YJU2B: variants seen among roughly 807,000 people sequenced by gnomAD.
YJU2B encodes the protein YJU2 splicing factor homolog B.
A neutral mutation model predicts 38.0 loss-of-function variants in YJU2B; 18 were observed. The observed-to-expected ratio is 0.47, with a 90% CI of 0.33 to 0.70. The LOEUF is 0.70. Ranked by LOEUF, YJU2B falls within the 30% of genes least tolerant of loss-of-function variation. The pLI is 0.02. For missense variants in YJU2B, 538 were observed against 556.3 expected (o/e 0.97, Z 0.33); for synonymous variants, 246 against 225.4 (o/e 1.09, Z -0.82).
In YJU2B at chr19:13,762,305, A is replaced by G; in HGVS notation, c.580A>G (p.Lys194Glu). ...TTCTTGGCCCTCAACACAGGAAAAG[A>G]AAAAAGCCATCCAGGAGGAGGAGGA... is the stretch of plus-strand genomic sequence containing the variant. ...SMLRRRFREK[K>E]KAIQEEEERD... is the part of the protein sequence containing the mutation. Residue 194 changes from lysine to glutamate, a missense_variant, in exon 9 of 10, where the codon AAA (lysine) becomes GAA (glutamate). Transcript: ENST00000221554. 2 of 1,613,460 alleles carry G rather than the reference A, an allele frequency of 1.2e-6. No homozygotes were observed. The highest frequency in any genetic ancestry group is 8.5e-7 in the Non-Finnish European group (1 of 1,179,920).
chr19:13,750,696 C>T (rs1053086448), intron 1 of YJU2B, among the ~76,000 whole-genome samples: 57 of 151,548 alleles, frequency 3.8e-4, no homozygotes, highest in Non-Finnish European at 4.9e-4. Flanking sequence ...CCTGTCTCTA[C>T]TAAAAATACA....
At position 13,762,334 on chromosome 19, in the gene YJU2B, A is replaced by G; in HGVS notation, c.609A>G (p.Arg203=). 1 of 1,613,914 alleles carries G rather than the reference A, an allele frequency of 6.2e-7. No homozygotes were observed. Among genetic ancestry groups the G allele is most frequent in the Non-Finnish European group, 8.5e-7 (1 of 1,180,020 alleles). ...AAGCCATCCAGGAGGAGGAGGAGAG[A>G]GACCAGGCCTTGCAGGCCAAGGCGA... is the stretch of plus-strand genomic sequence containing the variant. ...KKKAIQEEEE[R]DQALQAKASL... The change falls in exon 9 of 10, where the codon AGA becomes AGG. Residue 203 remains arginine (R), a synonymous_variant. Transcript: ENST00000221554.
At chr19:13,738,855 T>G (rs1273380888) in intron 2 of YJU2B, among the ~76,000 whole-genome samples, 2 of 139,544 alleles carry the variant, frequency 1.4e-5, no homozygotes, top group Non-Finnish European at 1.5e-5. Flanking sequence ...GAGCCACTAC[T>G]GCACTCCAGC....
upstream of YJU2B, among the ~76,000 whole-genome samples, chr19:13,746,666 G>A (rs1451601820): frequency 6.6e-6 from 1 of 152,204 alleles, no homozygotes; most frequent in Non-Finnish European, 1.5e-5. Flanking sequence ...AGGCACTTTG[G>A]AAGGCCAAGG....
intron 1 of YJU2B, among the ~76,000 whole-genome samples, chr19:13,748,411 C>T (rs1280761737): frequency 6.6e-6 from 1 of 152,040 alleles, no homozygotes; most frequent in Non-Finnish European, 1.5e-5. Context: ...TGCCCCAAGT[C>T]AAGCAGATAG....
intron 1 of YJU2B, 51 bp downstream of exon 1, chr19:13,748,005 C>T (rs574617362): frequency 2.0e-5 from 3 of 152,374 alleles, no homozygotes; most frequent in Admixed American, 2.0e-4. Context: ...CCGGCAGCCG[C>T]CTCACCCTGG....
chr19:13,759,288 G>C lies in YJU2B; in HGVS notation c.573+16G>C, dbSNP rs762200402. The C allele has an allele frequency of 1.2e-5, 19 of 1,589,780 alleles. No individual in the cohort carries two copies. In the Admixed American group the frequency reaches 2.7e-4, roughly 22 times the overall value. On this transcript the variant is annotated intron_variant, in intron 8 of 9. Coordinates refer to ENST00000221554, the MANE Select transcript of YJU2B (RefSeq NM_030818.4). ...AAGGTTCCGGGTGAGGGGGGCTCCA[G>C]CCCGGGGTCAGAGAGGATGCATGGT...
Position 13,759,127 on chromosome 19 carries a change from C to T in YJU2B, c.428C>T (p.Thr143Met), listed in dbSNP as rs781777245. 1.2e-5 allele frequency: 20 copies of T among 1,613,652 alleles called. No homozygotes were observed. The highest frequency in any genetic ancestry group is 1.7e-5 in the Admixed American group (1 of 59,964). ...CATGAGAAGAAGCAGAAGCTGGAGACGGACGCCATGTTCCGGCTGGAGCAT... is the reference window on the plus strand; with the variant it reads ...CATGAGAAGAAGCAGAAGCTGGAGATGGACGCCATGTTCCGGCTGGAGCAT... ...TEHEKKQKLE[T>M]DAMFRLEHGE... Residue 143 changes from threonine (T) to methionine (M), a missense_variant, in exon 8 of 10, where the codon ACG (threonine) becomes ATG (methionine). Transcript: ENST00000221554.
At position 13,757,785 on chromosome 19, in the gene YJU2B, G is replaced by A. The variant is rs749867581; in HGVS notation, c.197-1G>A. 1 of 1,613,940 alleles carries A rather than the reference G, an allele frequency of 6.2e-7. No homozygotes were observed. The highest frequency in any genetic ancestry group is 8.5e-7 in the Non-Finnish European group (1 of 1,179,910). On this transcript the variant is annotated splice_acceptor_variant, in intron 5 of 9. Coordinates refer to ENST00000221554, the MANE Select transcript of YJU2B (RefSeq NM_030818.4). LOFTEE classifies it high-confidence loss of function. Reference sequence around the variant, plus strand: ...ACCACCCCCGCCTGACCCCCTTCCAGGTGTTCGTTACAATGCAGAAAAGAA... The same window carrying A: ...ACCACCCCCGCCTGACCCCCTTCCAAGTGTTCGTTACAATGCAGAAAAGAA...
Position 13,763,283 on chromosome 19 carries a change from T to C in YJU2B, c.*215T>C. The C allele has an allele frequency of 2.0e-6, 1 of 503,204 alleles. No homozygotes were observed. Among genetic ancestry groups the C allele is most frequent in the Non-Finnish European group, 3.5e-6 (1 of 286,604 alleles). 31.2% of individuals were successfully genotyped at this position (503,204 alleles called of 1,614,324 possible). ...TGAGACTCCGTACATTAAAGACCTG[T>C]CTCTTCTTCCCTGTCTTGGGTTGTT... On this transcript the variant is annotated 3_prime_UTR_variant, in exon 10 of 10. Coordinates refer to ENST00000221554, the MANE Select transcript of YJU2B (RefSeq NM_030818.4).
At chr19:13,762,085 C>T (rs1973909468) in intron 8 of YJU2B, among the ~76,000 whole-genome samples, 1 of 152,096 alleles carries the variant, frequency 6.6e-6, no homozygotes, top group Non-Finnish European at 1.5e-5. Flanking sequence ...GTACTGGATA[C>T]TTGGGAGGCT....
At chr19:13,732,809 G>C (rs998318307) in intron 2 of YJU2B, among the ~76,000 whole-genome samples, 7 of 151,830 alleles carry the variant, frequency 4.6e-5, no homozygotes, top group African/African-American at 1.2e-4. Flanking sequence ...GGGTTTCACC[G>C]TGTTGGCCAG....
chr19:13,760,328 C>A (rs149744386), intron 8 of YJU2B, among the ~76,000 whole-genome samples: 1 of 152,276 alleles, frequency 6.6e-6, no homozygotes, highest in East Asian at 1.9e-4. Context: ...TTCTCATAGG[C>A]GGTGGCTTCT....
intron 2 of YJU2B, among the ~76,000 whole-genome samples, chr19:13,733,075 G>A (rs1369976154): frequency 1.6e-4 from 25 of 151,614 alleles, no homozygotes; most frequent in African/African-American, 6.1e-4. Flanking sequence ...GACTACAGGT[G>A]CCCGCCACCT....
At chr19:13,744,700 T>C (rs578188178), upstream of YJU2B, among the ~76,000 whole-genome samples, 3 of 152,008 alleles carry the variant, frequency 2.0e-5, no homozygotes, top group African/African-American at 7.2e-5. Flanking sequence ...TTTAAAAATT[T>C]CTCTGGGGTT....
intron 2 of YJU2B, 79 bp downstream of exon 2, chr19:13,751,890 C>T: frequency 7.3e-7 from 1 of 1,373,612 alleles, no homozygotes; most frequent in Non-Finnish European, 1.0e-6. Context: ...CCTCCCCTCC[C>T]AGAGCTCTAA....
chr19:13,736,353 G>C (rs1797292029), intron 2 of YJU2B, among the ~76,000 whole-genome samples: 1 of 147,280 alleles, frequency 6.8e-6, no homozygotes. Flanking sequence ...CCATCTCCTG[G>C]GTTCAAGTGA....
intron 3 of YJU2B, among the ~76,000 whole-genome samples, chr19:13,754,556 T>C (rs1973593061): frequency 6.6e-6 from 1 of 152,030 alleles, no homozygotes; most frequent in South Asian, 2.1e-4. Context: ...TACTAGAGTA[T>C]AGTGTGTTTA....
At chr19:13,751,855 T>C (rs1379169010) in intron 2 of YJU2B, 44 bp downstream of exon 2, 2 of 1,607,064 alleles carry the variant, frequency 1.2e-6, no homozygotes, top group South Asian at 2.2e-5. Context: ...CTCCCAGTCT[T>C]TGTAGGACCC....
Sources: gnomAD v4.1 joint callset for allele counts (sites outside exome capture counted in the v4.1 genomes callset) on GRCh38, gnomAD v4.1.1 for gene constraint, MANE v1.5 for transcripts, NCBI Gene and HGNC (gene_info 2026-07-23, HGNC 2026-07-21) for gene names.